The following ATP2B2 variants were observed in gnomAD, a reference collection of about 807,000 sequenced individuals.
ATP2B2 encodes the protein ATPase plasma membrane Ca2+ transporting 2.
Under a neutral mutation model 120.0 loss-of-function variants are expected in ATP2B2, and 15 were observed. The observed-to-expected ratio is 0.12, with a 90% CI of 0.08 to 0.19. The LOEUF is 0.19. ATP2B2 is among the 10% of genes least tolerant of loss of function. The probability of loss-of-function intolerance (pLI) is 1.00; values close to 1 mark genes in which losing one functional copy is unlikely to be tolerated. For synonymous variants in ATP2B2, 694 were observed against 700.3 expected (o/e 0.99, Z 0.14); for missense variants, 1,045 against 1,719.8 (o/e 0.61, Z 6.94).
intron 1 of ATP2B2, among the ~76,000 whole-genome samples, chr3:10,491,366 C>A (rs2065928861): frequency 6.6e-6 from 1 of 152,032 alleles, no homozygotes; most frequent in African/African-American, 2.4e-5. Context: ...GCTTGGATTA[C>A]AGGTGCATAC....
At chr3:10,707,336 C>G (rs959102389) in intron 1 of ATP2B2, among the ~76,000 whole-genome samples, 5 of 152,148 alleles carry the variant, frequency 3.3e-5, no homozygotes, top group African/African-American at 9.7e-5. Flanking sequence ...GCTGGAGATG[C>G]GGAGAGCACT....
At chr3:10,551,908 G>A (rs920697048) in intron 2 of ATP2B2, among the ~76,000 whole-genome samples, 2 of 152,232 alleles carry the variant, frequency 1.3e-5, no homozygotes, top group African/African-American at 4.8e-5. Flanking sequence ...CAGCTCCCTA[G>A]GGCCCTCAGC....
chr3:10,404,084 G>A (rs562561292), intron 3 of ATP2B2, among the ~76,000 whole-genome samples: 21 of 152,332 alleles, frequency 1.4e-4, no homozygotes, highest in Admixed American at 3.3e-4. Flanking sequence ...CTCCTGGAAG[G>A]GTGGGGCCCA....
rs202064227 is a variant in ATP2B2, at chr3:10,528,836, G to A, written c.-320+5203C>T. 6.6e-5 allele frequency among the ~76,000 whole-genome samples: 10 copies of A among 152,312 alleles called. No homozygotes were observed. The East Asian group carries it at 1.9e-3, about 29-fold the overall frequency. ...TAAGCAGGTGCGTTGGCTCATGCCC[G>A]TGATCCCGGCTACTTGCTTGGTGCT... On this transcript the variant is annotated intron_variant, in intron 3 of 21. Transcript: ENST00000646379.
chr3:10,682,299 C>G (rs1356098314), intron 1 of ATP2B2, among the ~76,000 whole-genome samples: 1 of 152,136 alleles, frequency 6.6e-6, no homozygotes, highest in African/African-American at 2.4e-5. Flanking sequence ...GTGTTACCAC[C>G]AGAGGTAGGG....
chr3:10,500,197 CA>C (rs141022442), intron 1 of ATP2B2, among the ~76,000 whole-genome samples: 4,448 of 151,866 alleles, frequency 0.029, 88 homozygotes, highest in Non-Finnish European at 0.043. Context: ...CTTGGCGTCC[CA>C]AAGTGCTTGG....
intron 2 of ATP2B2, among the ~76,000 whole-genome samples, chr3:10,571,142 T>C (rs958762189): frequency 9.2e-5 from 14 of 152,192 alleles, no homozygotes; most frequent in African/African-American, 3.4e-4. Context: ...GTTCTGGAAG[T>C]TTCTTCATGC....
chr3:10,671,562 T>C (rs2071097500), intron 1 of ATP2B2, among the ~76,000 whole-genome samples: 1 of 152,132 alleles, frequency 6.6e-6, no homozygotes, highest in South Asian at 2.1e-4. Context: ...TCTTTATTTA[T>C]GGAATTTATG....
At chr3:10,506,548 G>C (rs1177518290), upstream of ATP2B2, among the ~76,000 whole-genome samples, 1 of 152,206 alleles carries the variant, frequency 6.6e-6, no homozygotes, top group East Asian at 1.9e-4. Context: ...CTCCAGATGG[G>C]TGGGAGGAGA....
chr3:10,385,964 G>A (rs910686216), intron 7 of ATP2B2, among the ~76,000 whole-genome samples: 1 of 152,210 alleles, frequency 6.6e-6, no homozygotes, highest in Non-Finnish European at 1.5e-5. Context: ...TTTTGTATAT[G>A]GGATGGAAAA....
rs370372479 is a variant in ATP2B2 at position 10,665,873 on chromosome 3, A to C, written c.-460+42042T>G. ...AGGAAAAAGAGACCAGGGCTGCTCCACTAGACCAGAGAAGGGCTCTGCTTC... is the reference window on the plus strand; with the variant it reads ...AGGAAAAAGAGACCAGGGCTGCTCCCCTAGACCAGAGAAGGGCTCTGCTTC... On this transcript the variant is annotated intron_variant, in intron 1 of 21. Coordinates refer to the ATP2B2 transcript ENST00000646379. Among the ~76,000 whole-genome samples, 22 of 152,340 alleles carry C rather than the reference A, an allele frequency of 1.4e-4. No homozygotes were observed. In the South Asian group the frequency reaches 4.6e-3, roughly 32 times the overall value.
At chr3:10,569,822 T>C (rs996890941) in intron 2 of ATP2B2, among the ~76,000 whole-genome samples, 6 of 152,172 alleles carry the variant, frequency 3.9e-5, no homozygotes, top group African/African-American at 1.4e-4. Flanking sequence ...GTTCACAGCA[T>C]AGACTGCTCT....
intron 1 of ATP2B2, among the ~76,000 whole-genome samples, chr3:10,496,270 C>T (rs1028903186): frequency 1.3e-5 from 2 of 152,140 alleles, no homozygotes; most frequent in Non-Finnish European, 1.5e-5. Flanking sequence ...TGGTGCCCAC[C>T]CTAGTCCTCC....
chr3:10,378,132 C>A, intron 10 of ATP2B2, 120 bp downstream of exon 10: 2 of 1,360,802 alleles, frequency 1.5e-6, no homozygotes, highest in South Asian at 2.9e-5. Context: ...AGGTGGGCTT[C>A]AGGCACTCAT....
At chr3:10,498,649 G>C (rs538792959) in intron 1 of ATP2B2, among the ~76,000 whole-genome samples, 10 of 152,344 alleles carry the variant, frequency 6.6e-5, no homozygotes, top group Admixed American at 3.3e-4. Context: ...AGCCCAGCCG[G>C]CACAGGAAAG....
rs570299657 is a variant in ATP2B2 at position 10,408,329 on chromosome 3, G to A, written c.397+2289C>T. 1.2e-4 allele frequency among the ~76,000 whole-genome samples: 18 copies of A among 152,164 alleles called. No homozygotes were observed. The South Asian group carries it at 3.5e-3, about 30-fold the overall frequency. On this transcript the variant is annotated intron_variant, in intron 3 of 22. Coordinates refer to ENST00000360273, the MANE Select transcript of ATP2B2 (RefSeq NM_001001331.4). ...TGGTGAAACTGATGTCTGTCTCAGG[G>A]TTTTTTGTTTGTTTGTTTGTTTGTT... is the stretch of plus-strand genomic sequence containing the variant.
upstream of ATP2B2, among the ~76,000 whole-genome samples, chr3:10,508,402 G>A (rs549173787): frequency 2.0e-5 from 3 of 152,182 alleles, no homozygotes; most frequent in South Asian, 2.1e-4. Context: ...TGGTCTACAC[G>A]TCTGTCTCCC....
chr3:10,326,795 C>T lies in ATP2B2; in HGVS notation c.*2019G>A, dbSNP rs1237122613. The T allele has an allele frequency of 7.5e-6, 3 of 398,878 alleles. No individual in the cohort carries two copies. The highest frequency in any genetic ancestry group is 1.3e-5 in the Non-Finnish European group (3 of 226,070). 24.7% of individuals were successfully genotyped at this position (398,878 alleles called of 1,614,324 possible). On this transcript the variant is annotated 3_prime_UTR_variant, in exon 23 of 23. Coordinates refer to ENST00000360273, the MANE Select transcript of ATP2B2 (RefSeq NM_001001331.4). ...GGTGGGATGGGCTGACTTTGAACCC[C>T]AAACCCTCAAGTTTTTCCACCGCCA...
At chr3:10,627,568 T>C (rs936614645) in intron 1 of ATP2B2, among the ~76,000 whole-genome samples, 1 of 152,104 alleles carries the variant, frequency 6.6e-6, no homozygotes, top group Non-Finnish European at 1.5e-5. Flanking sequence ...CTCATCATCC[T>C]CCAAAATGTG....
Sources: gnomAD v4.1 joint callset for allele counts (sites outside exome capture counted in the v4.1 genomes callset) on GRCh38, gnomAD v4.1.1 for gene constraint, MANE v1.5 for transcripts, NCBI Gene and HGNC (gene_info 2026-07-23, HGNC 2026-07-21) for gene names.